The following SHROOM3 variants were observed in gnomAD, a reference collection of about 807,000 sequenced individuals.
SHROOM3 encodes the protein shroom family member 3.
In SHROOM3, 47 loss-of-function variants were observed where a neutral mutation model predicts 138.6. The ratio of observed to expected loss-of-function variants is 0.34; its 90% CI spans 0.27 to 0.43. The LOEUF is 0.43. Ranked by LOEUF, SHROOM3 falls within the 20% of genes least tolerant of loss-of-function variation. The pLI is 1.00. For missense variants in SHROOM3, 2,491 were observed against 2,596.5 expected (o/e 0.96, Z 0.88); for synonymous variants, 1,062 against 1,063.3 (o/e 1.00, Z 0.02).
At position 76,721,567 on chromosome 4, in the gene SHROOM3, G is replaced by C. The variant is rs965026450; in HGVS notation, c.456-9237G>C. Among the ~76,000 whole-genome samples, 79 of 152,134 alleles carry C rather than the reference G, an allele frequency of 5.2e-4. 3 individuals are homozygous for C. Among genetic ancestry groups the C allele is most frequent in the Non-Finnish European group, 2.9e-5 (2 of 68,036 alleles). On this transcript the variant is annotated intron_variant, in intron 3 of 10. Coordinates refer to ENST00000296043, the MANE Select transcript of SHROOM3 (RefSeq NM_020859.4). ...TGTTTGAGGGCTTTTATTTGAGAAG[G>C]GGGTCTCAGTTTTGCCCAGGCTGAT...
intron 2 of SHROOM3, among the ~76,000 whole-genome samples, chr4:76,579,195 G>A (rs1009993534): frequency 6.7e-6 from 1 of 149,632 alleles, no homozygotes; most frequent in Non-Finnish European, 1.5e-5. Context: ...CAGGCTGGGC[G>A]TGGTGGCTCA....
At chr4:76,729,816 CTAATT>C (rs1241886743) in intron 3 of SHROOM3, among the ~76,000 whole-genome samples, 4 of 152,132 alleles carry the variant, frequency 2.6e-5, no homozygotes, top group South Asian at 2.1e-4. Context: ...ATTACAAAAA[CTAATT>C]TATTTTTTCA....
chr4:76,764,655 C>T (rs994856683), intron 9 of SHROOM3, among the ~76,000 whole-genome samples: 6 of 152,234 alleles, frequency 3.9e-5, no homozygotes, highest in Non-Finnish European at 5.9e-5. Flanking sequence ...TCTTTTCTTT[C>T]AGTACTTAAC....
chr4:76,735,626 G>T (rs1721016319), intron 4 of SHROOM3, among the ~76,000 whole-genome samples: 2 of 151,600 alleles, frequency 1.3e-5, no homozygotes, highest in African/African-American at 4.8e-5. Context: ...GATCATTTGA[G>T]GTCAGGAGTT....
chr4:76,700,554 A>G (rs776295048), intron 2 of SHROOM3, among the ~76,000 whole-genome samples: 26 of 152,072 alleles, frequency 1.7e-4, no homozygotes, highest in Non-Finnish European at 3.7e-4. Flanking sequence ...GTGTATGTAT[A>G]TATTTATTCA....
At chr4:76,772,562 GAACT>G (rs1464504979) in intron 10 of SHROOM3, among the ~76,000 whole-genome samples, 2 of 152,136 alleles carry the variant, frequency 1.3e-5, no homozygotes, top group Non-Finnish European at 2.9e-5. Flanking sequence ...CAGCATTTAG[GAACT>G]CTGCAGCGCC....
At chr4:76,478,005 C>T (rs1227506415) in intron 1 of SHROOM3, among the ~76,000 whole-genome samples, 3 of 152,168 alleles carry the variant, frequency 2.0e-5, no homozygotes, top group Admixed American at 1.3e-4. Context: ...CTCTTGGGTG[C>T]CTACACCACC....
chr4:76,436,665 T>C (rs1470368425), intron 1 of SHROOM3, among the ~76,000 whole-genome samples: 1 of 152,238 alleles, frequency 6.6e-6, no homozygotes, highest in Non-Finnish European at 1.5e-5. Flanking sequence ...ATAAATACCA[T>C]GTGTTGCTTT....
At chr4:76,445,619 G>A (rs1272484034) in intron 1 of SHROOM3, among the ~76,000 whole-genome samples, 1 of 152,166 alleles carries the variant, frequency 6.6e-6, no homozygotes, top group Non-Finnish European at 1.5e-5. Flanking sequence ...AAGCGAGAGA[G>A]TAGTATGAGA....
chr4:76,722,531 G>A (rs1212272243), intron 3 of SHROOM3, among the ~76,000 whole-genome samples: 1 of 151,994 alleles, frequency 6.6e-6, no homozygotes, highest in Non-Finnish European at 1.5e-5. Context: ...GGAGAGAGAA[G>A]ATCAGAAAAC....
intron 10 of SHROOM3, among the ~76,000 whole-genome samples, chr4:76,778,201 T>C (rs919467644): frequency 1.3e-5 from 2 of 151,638 alleles, no homozygotes; most frequent in African/African-American, 4.8e-5. Flanking sequence ...TATTCATGTA[T>C]ATACTCAAGG....
intron 1 of SHROOM3, among the ~76,000 whole-genome samples, chr4:76,490,048 A>G (rs1056707903): frequency 6.6e-5 from 10 of 152,174 alleles, no homozygotes; most frequent in African/African-American, 2.2e-4. Context: ...TGGCCACTTC[A>G]TGCTCACTTC....
rs1489767412 is a variant in SHROOM3, at chr4:76,528,457, CT to C, written c.169-27151del. The stretch of plus-strand genomic sequence containing the variant: ...CCTCAGCTTCCTAAGTAGCTTGGGA[CT>C]ATAGGCTTGCTCATGCTCAGCAAAA... On this transcript the variant is annotated intron_variant, in intron 1 of 10. Transcript: ENST00000296043. 4.0e-5 allele frequency among the ~76,000 whole-genome samples: 6 copies of C among 149,672 alleles called. No individual in the cohort carries two copies. The East Asian group carries it at 9.9e-4, about 25-fold the overall frequency.
At chr4:76,529,351 C>G (rs1732781711) in intron 1 of SHROOM3, among the ~76,000 whole-genome samples, 1 of 151,486 alleles carries the variant, frequency 6.6e-6, no homozygotes, top group Admixed American at 6.6e-5. Context: ...GAGTCTCGCT[C>G]TGTTGCCCAG....
intron 2 of SHROOM3, among the ~76,000 whole-genome samples, chr4:76,588,721 G>A (rs1008616482): frequency 3.9e-5 from 6 of 152,004 alleles, no homozygotes; most frequent in African/African-American, 1.5e-4. Flanking sequence ...CTGGCCATAG[G>A]GAGCAGACAA....
At chr4:76,611,819 C>T (rs1339272843) in intron 2 of SHROOM3, among the ~76,000 whole-genome samples, 1 of 152,212 alleles carries the variant, frequency 6.6e-6, no homozygotes, top group Non-Finnish European at 1.5e-5. Context: ...CCTGTGCTGG[C>T]TCCAGCTTCT....
chr4:76,699,765 C>T (rs1016388202), intron 2 of SHROOM3, among the ~76,000 whole-genome samples: 1 of 152,166 alleles, frequency 6.6e-6, no homozygotes, highest in Non-Finnish European at 1.5e-5. Flanking sequence ...AATGGTACTA[C>T]ACCATGCAGC....
chr4:76,458,075 G>A (rs1293983368), intron 1 of SHROOM3, among the ~76,000 whole-genome samples: 2 of 152,244 alleles, frequency 1.3e-5, no homozygotes, highest in African/African-American at 4.8e-5. Flanking sequence ...TTACAGGCAT[G>A]AGTCACCACG....
chr4:76,665,281 T>G (rs182061422), intron 2 of SHROOM3, among the ~76,000 whole-genome samples: 10 of 152,342 alleles, frequency 6.6e-5, no homozygotes, highest in Non-Finnish European at 1.3e-4. Context: ...TCATGCCATG[T>G]GGCCTGGCTG....
Sources: gnomAD v4.1 joint callset for allele counts (sites outside exome capture counted in the v4.1 genomes callset) on GRCh38, gnomAD v4.1.1 for gene constraint, MANE v1.5 for transcripts, NCBI Gene and HGNC (gene_info 2026-07-23, HGNC 2026-07-21) for gene names.